Variants in GRID1 observed in about 807,000 individuals in gnomAD.
The protein encoded by GRID1 is glutamate receptor ionotropic, delta-1.
A neutral mutation model predicts 98.0 loss-of-function variants in GRID1; 28 were observed. The ratio of observed to expected loss-of-function variants is 0.29; its 90% CI spans 0.21 to 0.39. GRID1 has a LOEUF of 0.39. Ranked by LOEUF, GRID1 falls within the 10% of genes least tolerant of loss-of-function variation. The probability of loss-of-function intolerance (pLI) is 1.00; values close to 1 mark genes in which losing one functional copy is unlikely to be tolerated. For missense variants in GRID1, 1,111 were observed against 1,340.5 expected, an observed-to-expected ratio of 0.83 and a Z score of 2.67; for synonymous variants, 553 against 538.5, an observed-to-expected ratio of 1.03 and a Z score of -0.37.
In GRID1 at chr10:86,366,211, G is replaced by T; in HGVS notation, c.79+103C>A. ...GCGGCCCTTCGGGGGAGCACCGCCC[G>T]CCGAGCCCCTCGGCCCAGGGAAACG... is the stretch of plus-strand genomic sequence containing the variant. On this transcript the variant is annotated intron_variant, in intron 1 of 15. Transcript: ENST00000327946. This position sits in a 1 kb window ranked among gnomAD's most constrained non-coding sequence, Gnocchi z 4.1. The T allele has an allele frequency of 1.4e-6, 1 of 704,778 alleles. No individual in the cohort carries two copies. Among genetic ancestry groups the T allele is most frequent in the Non-Finnish European group, 2.1e-6 (1 of 485,450 alleles). The allele number at this position is 704,778 out of a possible 1,614,324, so 43.7% of individuals were successfully genotyped here.
intron 4 of GRID1, among the ~76,000 whole-genome samples, chr10:86,085,416 A>T (rs901221111): frequency 1.3e-5 from 2 of 152,198 alleles, no homozygotes; most frequent in Admixed American, 1.3e-4. Context: ...GTGTGAGAAA[A>T]TGTGGAAAAC....
At chr10:86,048,248 G>C (rs1843452636) in intron 4 of GRID1, among the ~76,000 whole-genome samples, 2 of 152,068 alleles carry the variant, frequency 1.3e-5, no homozygotes, top group Non-Finnish European at 2.9e-5. Context: ...TTTTTTAATA[G>C]AGAATAGAAG....
chr10:85,630,922 G>A (rs897888633), intron 13 of GRID1, among the ~76,000 whole-genome samples: 1 of 152,210 alleles, frequency 6.6e-6, no homozygotes, highest in African/African-American at 2.4e-5. Context: ...AAGGGAGATA[G>A]TATTAAAGCT....
chr10:85,812,077 G>A (rs535570374), intron 8 of GRID1, among the ~76,000 whole-genome samples: 1 of 152,148 alleles, frequency 6.6e-6, no homozygotes, highest in Non-Finnish European at 1.5e-5. Context: ...AAAACATACT[G>A]CCAGTCAAGA....
intron 4 of GRID1, among the ~76,000 whole-genome samples, chr10:85,964,181 A>T (rs1842307433): frequency 6.6e-6 from 1 of 152,220 alleles, no homozygotes; most frequent in Non-Finnish European, 1.5e-5. Context: ...GGATAAGAAC[A>T]ATCAATATCA....
chr10:86,283,003 C>T (rs1210916401), intron 2 of GRID1, among the ~76,000 whole-genome samples: 1 of 152,134 alleles, frequency 6.6e-6, no homozygotes, highest in Non-Finnish European at 1.5e-5. Flanking sequence ...CACCAGTGCA[C>T]CCTTACCCCT....
chr10:85,927,656 C>A (rs1033802316), intron 4 of GRID1, among the ~76,000 whole-genome samples: 1 of 152,136 alleles, frequency 6.6e-6, no homozygotes, highest in Admixed American at 6.5e-5. Flanking sequence ...ATTTTTCAAA[C>A]GAATCTCCCC....
Position 85,619,878 on chromosome 10 carries a change from G to C in GRID1, c.2349C>G (p.Leu783=), listed in dbSNP as rs750909015. 1.2e-6 allele frequency: 2 copies of C among 1,613,978 alleles called. No individual in the cohort carries two copies. Among genetic ancestry groups the C allele is most frequent in the Non-Finnish European group, 1.7e-6 (2 of 1,179,860 alleles). Residue 783 remains leucine, a synonymous_variant, in exon 14 of 16, where the codon CTC becomes CTG. Transcript: ENST00000327946. ...CTGCCCAAGCCTACCTCTGGGAGAA[G>C]AGGTCCCTGTAGGGGCTGCCATGCT... ...ALQHGSPYRD[L]FSQRILELQD...
intron 4 of GRID1, among the ~76,000 whole-genome samples, chr10:85,928,370 C>T (rs1234018172): frequency 1.3e-5 from 2 of 152,234 alleles, no homozygotes; most frequent in Non-Finnish European, 2.9e-5. Flanking sequence ...GCAAGGGCTT[C>T]ACTCAGGCAA....
At chr10:86,318,420 C>T (rs1369462186) in intron 2 of GRID1, among the ~76,000 whole-genome samples, 1 of 152,234 alleles carries the variant, frequency 6.6e-6, no homozygotes, top group Non-Finnish European at 1.5e-5. Context: ...AGTGGCTACT[C>T]CGAAGGTCCT....
At chr10:86,297,354 G>A (rs1171299590) in intron 2 of GRID1, among the ~76,000 whole-genome samples, 1 of 152,138 alleles carries the variant, frequency 6.6e-6, no homozygotes, top group Non-Finnish European at 1.5e-5. Flanking sequence ...TACAAAGCAG[G>A]TATCAACAAG....
intron 5 of GRID1, among the ~76,000 whole-genome samples, chr10:85,877,248 G>A (rs1242098876): frequency 6.6e-6 from 1 of 152,240 alleles, no homozygotes; most frequent in Non-Finnish European, 1.5e-5. Context: ...CAGCTTTGAA[G>A]AGAGCAGTGG....
At chr10:86,219,329 C>T (rs1014186867) in intron 2 of GRID1, among the ~76,000 whole-genome samples, 2 of 152,018 alleles carry the variant, frequency 1.3e-5, no homozygotes, top group South Asian at 2.1e-4. Flanking sequence ...GGGACTGTGC[C>T]CACCCTCCAG....
chr10:85,716,732 T>C (rs1401213320), intron 12 of GRID1, among the ~76,000 whole-genome samples: 1 of 148,330 alleles, frequency 6.7e-6, no homozygotes, highest in Non-Finnish European at 1.5e-5. Context: ...TTATATATAA[T>C]TAATATATAC....
At chr10:86,346,918 G>A (rs538988731) in intron 2 of GRID1, among the ~76,000 whole-genome samples, 23 of 152,302 alleles carry the variant, frequency 1.5e-4, no homozygotes, top group African/African-American at 3.6e-4. Context: ...ACTGAAACCA[G>A]GTACAAGAGC....
intron 3 of GRID1, among the ~76,000 whole-genome samples, chr10:86,170,122 GA>G (rs1387983982): frequency 1.3e-5 from 2 of 152,170 alleles, no homozygotes; most frequent in Admixed American, 6.5e-5. Context: ...GGGCTTGAGG[GA>G]ATCACACAGC....
intron 4 of GRID1, among the ~76,000 whole-genome samples, chr10:85,961,339 A>C (rs911892419): frequency 6.6e-6 from 1 of 152,008 alleles, no homozygotes; most frequent in Non-Finnish European, 1.5e-5. Flanking sequence ...CGCATCTGTC[A>C]GCCCGGGAGC....
At chr10:86,049,190 G>C (rs1204594354) in intron 4 of GRID1, among the ~76,000 whole-genome samples, 1 of 152,196 alleles carries the variant, frequency 6.6e-6, no homozygotes, top group African/African-American at 2.4e-5. Context: ...ACATGATGCT[G>C]AGTGTCTGAG....
At chr10:85,853,981 T>G (rs1295348261) in intron 8 of GRID1, among the ~76,000 whole-genome samples, 1 of 152,240 alleles carries the variant, frequency 6.6e-6, no homozygotes, top group African/African-American at 2.4e-5. Context: ...AACCTCAGTC[T>G]GAGTTGTTCA....
Sources: gnomAD v4.1 joint callset for allele counts (sites outside exome capture counted in the v4.1 genomes callset) on GRCh38, gnomAD v4.1.1 for gene constraint, Gnocchi (gnomAD v3.1) non-coding constraint, MANE v1.5 for transcripts, NCBI Gene and HGNC (gene_info 2026-07-23, HGNC 2026-07-21) for gene names.